MAMSTR: variants seen among roughly 807,000 people sequenced by gnomAD.
The protein encoded by MAMSTR is MEF2 activating motif and SAP domain containing transcriptional regulator.
MAMSTR carries 41 observed loss-of-function variants against 42.7 expected under a neutral mutation model. The observed-to-expected ratio is 0.96, with a 90% CI of 0.75 to 1.25. The LOEUF (loss-of-function observed/expected upper bound fraction) is 1.25, where lower values mean the gene tolerates loss of function less well. Ranked by LOEUF, MAMSTR falls within the 50% of genes most tolerant of loss-of-function variation. The pLI, the probability that MAMSTR is intolerant of heterozygous loss-of-function variation, is 0.00. For synonymous variants in MAMSTR, 265 were observed against 244.1 expected, an observed-to-expected ratio of 1.09 and a Z score of -0.80; for missense variants, 567 against 557.6, an observed-to-expected ratio of 1.02 and a Z score of -0.17.
downstream of MAMSTR, among the ~76,000 whole-genome samples, chr19:48,711,752 T>TG (rs1180976239): frequency 1.4e-5 from 2 of 144,604 alleles, no homozygotes; most frequent in African/African-American, 2.6e-5. Flanking sequence ...TTTTTTTTTT[T>TG]TTTTTTTTTT....
intron 2 of MAMSTR, among the ~76,000 whole-genome samples, chr19:48,717,893 T>TG (rs370717634): frequency 0.012 from 1,795 of 152,146 alleles, 42 homozygotes; most frequent in African/African-American, 0.042. Context: ...TTAGTAGAGA[T>TG]GGGGTTTCAC....
At position 48,713,935 on chromosome 19, in the gene MAMSTR, C is replaced by A. The variant is rs757626386; in HGVS notation, c.834G>T (p.Leu278=). 2.6e-5 allele frequency: 42 copies of A among 1,613,266 alleles called. No individual in the cohort carries two copies. In the African/African-American group the frequency reaches 5.2e-4, roughly 20 times the overall value. ...CTGAGCCCGGCCCTGAGGAAGGGGT[C>A]AGGGCTGGAGCTGCAGCAGGAGCCG... ...PTPAPAAAPA[L]TPSSGPGSAA... is the part of the protein sequence containing the mutation. Residue 278 remains leucine (L), a synonymous_variant, in exon 8 of 10, where the codon CTG becomes CTT. Coordinates refer to ENST00000318083, the MANE Select transcript of MAMSTR (RefSeq NM_001130915.2).
chr19:48,707,780 A>C, downstream of MAMSTR, among the ~76,000 whole-genome samples: 1 of 136,996 alleles, frequency 7.3e-6, no homozygotes, highest in Non-Finnish European at 1.6e-5. Context: ...AGAAAGAAAG[A>C]AAAGAAAGAA....
the MAMSTR span, among the ~76,000 whole-genome samples, chr19:48,706,327 T>C: frequency 6.7e-6 from 1 of 149,824 alleles, no homozygotes; most frequent in Non-Finnish European, 1.5e-5. Flanking sequence ...TGGAATCCTA[T>C]TACAAGTCTG....
At chr19:48,711,905 C>G (rs2032734730), downstream of MAMSTR, among the ~76,000 whole-genome samples, 1 of 149,146 alleles carries the variant, frequency 6.7e-6, no homozygotes, top group African/African-American at 2.5e-5. Context: ...GCCACCATGC[C>G]CAGCTAATTT....
chr19:48,713,420 A>G lies in MAMSTR; in HGVS notation c.1095T>C (p.Ser365=), dbSNP rs377161134. The change falls in exon 10 of 10, where the codon TCT becomes TCC. Residue 365 remains serine (S), a synonymous_variant. Transcript: ENST00000318083. The stretch of plus-strand genomic sequence containing the variant: ...CCAGGGAGTCCGTGGGGTCCCTGGG[A>G]GAAGGGGAGGAGGAGTTCGTGGGAG... ...LPSPTNSSSP[S]PRDPTDSLDW... The G allele has an allele frequency of 1.8e-5, 29 of 1,612,988 alleles. No homozygotes were observed. The African/African-American group carries it at 3.9e-4, about 22-fold the overall frequency.
intron 2 of MAMSTR, among the ~76,000 whole-genome samples, chr19:48,718,449 G>A (rs921857455): frequency 3.4e-5 from 5 of 145,264 alleles, no homozygotes; most frequent in Admixed American, 7.1e-5. Flanking sequence ...GTGCAATGGC[G>A]TGATCTCGGC....
At position 48,714,525 on chromosome 19, in the gene MAMSTR, GC is replaced by G; in HGVS notation, c.563del (p.Gly188AlafsTer91). On this transcript the variant is annotated frameshift_variant, in exon 7 of 10. Coordinates refer to ENST00000318083, the MANE Select transcript of MAMSTR (RefSeq NM_001130915.2). LOFTEE classifies it high-confidence loss of function. The part of the protein sequence containing the change: ...SELRQQLRLR[G>X]LPVSGTKSML... ...TAGACTTGGTCCCCGACACTGGGAGGCCCCGCAGGCGCAGCTGCTGCCGGAG... is the reference window on the plus strand; with the variant it reads ...TAGACTTGGTCCCCGACACTGGGAGGCCCGCAGGCGCAGCTGCTGCCGGAG... 6.9e-7 allele frequency: 1 copy of G among 1,455,184 alleles called. No homozygotes were observed. The highest frequency in any genetic ancestry group is 9.0e-7 in the Non-Finnish European group (1 of 1,116,132). 90.1% of individuals were successfully genotyped at this position (1,455,184 alleles called of 1,614,324 possible). A position where few individuals can be genotyped will look rare whatever the true frequency, so the allele number is the denominator to read the frequency against.
chr19:48,718,809 T>C (rs907187441), intron 2 of MAMSTR, among the ~76,000 whole-genome samples, 165 bp downstream of exon 2: 1 of 152,076 alleles, frequency 6.6e-6, no homozygotes, highest in Non-Finnish European at 1.5e-5. Flanking sequence ...TGCACACTCG[T>C]TGATCCACCA....
At position 48,719,710 on chromosome 19, in the gene MAMSTR, C is replaced by G. The variant is rs1181968148; in HGVS notation, c.-53G>C. The G allele has an allele frequency of 6.6e-6, 1 of 152,556 alleles. No homozygotes were observed. Among genetic ancestry groups the G allele is most frequent in the Non-Finnish European group, 1.5e-5 (1 of 68,350 alleles). 9.5% of individuals were successfully genotyped at this position (152,556 alleles called of 1,614,324 possible). On this transcript the variant is annotated 5_prime_UTR_variant, in exon 1 of 10. Coordinates refer to ENST00000318083, the MANE Select transcript of MAMSTR (RefSeq NM_001130915.2). The surrounding 1 kb of genome is among the most constrained non-coding windows in gnomAD (Gnocchi z 4.4). ...GGCTCGGCGAAGCTGTGCTCTGGGG[C>G]GGGTTGAGTCTAGAGGCCGAGGCTG...
chr19:48,706,683 A>G, the MAMSTR span, among the ~76,000 whole-genome samples: 1 of 152,126 alleles, frequency 6.6e-6, no homozygotes, highest in Non-Finnish European at 1.5e-5. Context: ...AGATCTCAAT[A>G]TTACAGTATT....
rs145369836 is a variant in MAMSTR, at chr19:48,712,776, G to C, written c.*491C>G. 1,535 of 153,246 alleles carry C rather than the reference G, an allele frequency of 0.01. 12 individuals carry two copies. The highest frequency in any genetic ancestry group is 0.017 in the South Asian group (81 of 4,880). 9.5% of individuals were successfully genotyped at this position (153,246 alleles called of 1,614,324 possible). A position where few individuals can be genotyped will look rare whatever the true frequency, so the allele number is the denominator to read the frequency against. On this transcript the variant is annotated 3_prime_UTR_variant, in exon 10 of 10. Transcript: ENST00000318083. ...TGACTGGCATTTATATCTTGTCTCA[G>C]GCTCTGCTTCCAAGAGAAGCTGATC...
At chr19:48,707,117 T>G in the MAMSTR span, among the ~76,000 whole-genome samples, 1 of 151,458 alleles carries the variant, frequency 6.6e-6, no homozygotes, top group Non-Finnish European at 1.5e-5. Flanking sequence ...AACAAAATTT[T>G]TAAAAATCGA....
chr19:48,716,704 C>T lies in MAMSTR; in HGVS notation c.97+1G>A. The T allele has an allele frequency of 2.2e-6, 3 of 1,336,014 alleles. No homozygotes were observed. The highest frequency in any genetic ancestry group is 2.9e-6 in the Non-Finnish European group (3 of 1,034,842). The allele number at this position is 1,336,014 out of a possible 1,614,324, so 82.8% of individuals were successfully genotyped here. A position where few individuals can be genotyped will look rare whatever the true frequency, so the allele number is the denominator to read the frequency against. Reference sequence around the variant, plus strand: ...CCCTCCCTTTTGGGGCCCATACTTACTCTGCTCCTGATTCCGTCTGTGGAT... The same window carrying T: ...CCCTCCCTTTTGGGGCCCATACTTATTCTGCTCCTGATTCCGTCTGTGGAT... On this transcript the variant is annotated splice_donor_variant, in intron 3 of 9. Transcript: ENST00000318083. LOFTEE classifies it high-confidence loss of function.
the MAMSTR span, chr19:48,705,753 T>C: frequency 0.47 from 77,676 of 166,720 alleles, 19,235 homozygotes; most frequent in Middle Eastern, 0.58. Context: ...CCAGTGTGCA[T>C]ACAGTCATGG....
At chr19:48,714,962 G>T in intron 5 of MAMSTR, 54 bp from the exon 6 acceptor site, 1 of 1,160,236 alleles carries the variant, frequency 8.6e-7, no homozygotes. Context: ...GGGGGAAAAG[G>T]CGTTCTGGGG....
chr19:48,709,206 C>T (rs953743261), downstream of MAMSTR, among the ~76,000 whole-genome samples: 13 of 152,100 alleles, frequency 8.5e-5, no homozygotes, highest in African/African-American at 2.7e-4. Context: ...TGGAGTGCAG[C>T]GGCGTGATGT....
At chr19:48,712,168 C>T (rs2032741177), downstream of MAMSTR, among the ~76,000 whole-genome samples, 1 of 152,130 alleles carries the variant, frequency 6.6e-6, no homozygotes, top group Non-Finnish European at 1.5e-5. Context: ...GCTGGGATTA[C>T]AGGCGTTTGC....
In MAMSTR at chr19:48,714,548, G is replaced by A. The variant is rs774735487; in HGVS notation, c.541C>T (p.Arg181Trp). The A allele has an allele frequency of 2.1e-6, 3 of 1,458,878 alleles. No individual in the cohort carries two copies. The highest frequency in any genetic ancestry group is 2.7e-6 in the Non-Finnish European group (3 of 1,118,258). 90.4% of individuals were successfully genotyped at this position (1,458,878 alleles called of 1,614,324 possible). A position where few individuals can be genotyped will look rare whatever the true frequency, so the allele number is the denominator to read the frequency against. ...AGGCCCCGCAGGCGCAGCTGCTGCCGGAGCTCTGAGACCTGGGGAGGGGCG... is the reference window on the plus strand; with the variant it reads ...AGGCCCCGCAGGCGCAGCTGCTGCCAGAGCTCTGAGACCTGGGGAGGGGCG... ...KLEELTVSEL[R>W]QQLRLRGLPV... is the part of the protein sequence containing the mutation. The change falls in exon 7 of 10, where the codon CGG becomes TGG. Residue 181 changes from arginine to tryptophan, a missense_variant. By Grantham distance (101) the Arg-to-Trp change is moderately radical (BLOSUM62 -3). Coordinates refer to ENST00000318083, the MANE Select transcript of MAMSTR (RefSeq NM_001130915.2).
Sources: gnomAD v4.1 joint callset for allele counts (sites outside exome capture counted in the v4.1 genomes callset) on GRCh38, gnomAD v4.1.1 for gene constraint, Gnocchi (gnomAD v3.1) non-coding constraint, MANE v1.5 for transcripts, NCBI Gene and HGNC (gene_info 2026-07-23, HGNC 2026-07-21) for gene names.